Variants in SENP6 observed in about 807,000 individuals in gnomAD.
The protein encoded by SENP6 is SUMO specific peptidase 6.
A neutral mutation model predicts 134.5 loss-of-function variants in SENP6; 41 were observed. That is an observed-to-expected ratio of 0.30 (90% CI 0.24 to 0.40). The LOEUF is 0.40. Among genes scored for constraint, SENP6 ranks in the 10% least tolerant of loss-of-function variants. SENP6 has a pLI of 1.00. For missense variants in SENP6, 1,248 were observed against 1,312.5 expected, an observed-to-expected ratio of 0.95 and a Z score of 0.76; for synonymous variants, 395 against 429.8, an observed-to-expected ratio of 0.92 and a Z score of 1.00.
chr6:75,648,286 G>T (rs1456504514), intron 7 of SENP6, among the ~76,000 whole-genome samples: 1 of 151,872 alleles, frequency 6.6e-6, no homozygotes, highest in Non-Finnish European at 1.5e-5. Context: ...TCAATATACT[G>T]GTTATTAATC....
intron 1 of SENP6, chr6:75,610,845 C>A (rs1767385549): frequency 7.7e-6 from 1 of 130,340 alleles, no homozygotes; most frequent in Non-Finnish European, 1.7e-5. Context: ...ATATCAAATA[C>A]ATTTTATAGT....
chr6:75,647,188 G>T (rs1770517439), intron 6 of SENP6: 1 of 152,366 alleles, frequency 6.6e-6, no homozygotes, highest in Admixed American at 6.5e-5. Flanking sequence ...TAGCTATAAG[G>T]TTTTTGCTTT....
chr6:75,655,932 A>T (rs1009902544), intron 7 of SENP6, among the ~76,000 whole-genome samples: 3 of 152,108 alleles, frequency 2.0e-5, no homozygotes, highest in Admixed American at 6.6e-5. Flanking sequence ...AAAGACATTG[A>T]GCTAGGCTGG....
intron 1 of SENP6, among the ~76,000 whole-genome samples, chr6:75,609,154 C>T (rs755890752): frequency 2.2e-4 from 33 of 152,140 alleles, no homozygotes; most frequent in African/African-American, 7.7e-4. Flanking sequence ...GCCTGGGACC[C>T]GACTTAATAG....
intron 3 of SENP6, among the ~76,000 whole-genome samples, chr6:75,633,125 G>A (rs974454427): frequency 3.3e-5 from 5 of 152,082 alleles, no homozygotes; most frequent in Non-Finnish European, 7.4e-5. Context: ...TGCATCTATT[G>A]AAGTATAAAG....
intron 6 of SENP6, chr6:75,646,502 A>C (rs1436389923): frequency 6.6e-6 from 1 of 152,248 alleles, no homozygotes; most frequent in Non-Finnish European, 1.5e-5. Context: ...AATACAAAGC[A>C]CACATGGCAC....
rs574943056 is a variant in SENP6, at chr6:75,634,733, G to A, written c.380G>A (p.Cys127Tyr). The change falls in exon 5 of 24, where the codon TGT (cysteine) becomes TAT (tyrosine). Residue 127 changes from cysteine (C) to tyrosine (Y), a missense_variant. Coordinates refer to ENST00000447266, the MANE Select transcript of SENP6 (RefSeq NM_015571.4). ...LSENTQNTSL[C>Y]SGTVVHGRRF... ...GAAAATACGCAAAATACGTCATTAT[G>A]TTCTGGAACTGTAGTTCATGGTAGA... 2.5e-6 allele frequency: 4 copies of A among 1,588,364 alleles called. No individual in the cohort carries two copies. Among genetic ancestry groups the A allele is most frequent in the African/African-American group, 2.7e-5 (2 of 73,396 alleles).
intron 5 of SENP6, 123 bp from the exon 6 acceptor site, chr6:75,640,561 T>C (rs560067229): frequency 1.2e-5 from 5 of 406,650 alleles, no homozygotes; most frequent in African/African-American, 6.2e-5. Flanking sequence ...ATATATATAA[T>C]GTATTTAAAA....
In SENP6 at chr6:75,640,715, T is replaced by A; in HGVS notation, c.479+11T>A. 6.7e-7 allele frequency: 1 copy of A among 1,483,470 alleles called. No individual in the cohort carries two copies. The highest frequency in any genetic ancestry group is 9.1e-7 in the Non-Finnish European group (1 of 1,100,728). 91.9% of individuals were successfully genotyped at this position (1,483,470 alleles called of 1,614,324 possible). On this transcript the variant is annotated intron_variant, in intron 6 of 23. Coordinates refer to ENST00000447266, the MANE Select transcript of SENP6 (RefSeq NM_015571.4). ...GGACCGAAAAGAAAGGTAAGCTTAA[T>A]ATTGAAGAAATTAGAGCATGGATAT...
intron 16 of SENP6, among the ~76,000 whole-genome samples, chr6:75,686,362 G>A (rs1046193060): frequency 6.6e-6 from 1 of 152,108 alleles, no homozygotes. Flanking sequence ...TTGCCAGTCT[G>A]TGTCTTTTAA....
rs1398021914 is a variant in SENP6, at chr6:75,718,154, AT to A, written c.*2561del. The A allele has an allele frequency of 5.3e-5, 8 of 152,218 alleles. No individual in the cohort carries two copies. The South Asian group carries it at 8.3e-4, about 16-fold the overall frequency. 9.4% of individuals were successfully genotyped at this position (152,218 alleles called of 1,614,324 possible). On this transcript the variant is annotated 3_prime_UTR_variant, in exon 24 of 24. Transcript: ENST00000447266. ...AATGCAGTAATTTTTCTTTAAAAAAATGATCTCTGAAAACTGTGAGACAATG... is the reference window on the plus strand; with the variant it reads ...AATGCAGTAATTTTTCTTTAAAAAAAGATCTCTGAAAACTGTGAGACAATG...
At chr6:75,668,334 A>G (rs1398486417) in intron 10 of SENP6, among the ~76,000 whole-genome samples, 1 of 152,214 alleles carries the variant, frequency 6.6e-6, no homozygotes, top group Non-Finnish European at 1.5e-5. Context: ...AGAACAGTGT[A>G]GCAAAACACT....
At chr6:75,623,348 C>G (rs754698926) in intron 2 of SENP6, among the ~76,000 whole-genome samples, 2 of 152,052 alleles carry the variant, frequency 1.3e-5, no homozygotes, top group Non-Finnish European at 2.9e-5. Context: ...TTAATAGATA[C>G]ATTAGTTTAA....
chr6:75,602,618 A>G (rs1167346545), intron 1 of SENP6, 42 bp downstream of exon 1: 2 of 1,543,340 alleles, frequency 1.3e-6, no homozygotes, highest in Non-Finnish European at 1.8e-6. Flanking sequence ...GGGAGGGTAT[A>G]CTGGAAAACG....
intron 1 of SENP6, among the ~76,000 whole-genome samples, chr6:75,614,223 G>A (rs1243147100): frequency 2.0e-5 from 3 of 151,406 alleles, no homozygotes; most frequent in African/African-American, 7.3e-5. Flanking sequence ...CTTAGTTAAG[G>A]TGGTGTTCAC....
intron 7 of SENP6, 21 bp from the exon 8 acceptor site, chr6:75,659,241 A>T (rs758147961): frequency 6.4e-7 from 1 of 1,564,292 alleles, no homozygotes; most frequent in Admixed American, 2.1e-5. Context: ...CTTAAAGTTT[A>T]TTTTTTTCTC....
intron 21 of SENP6, among the ~76,000 whole-genome samples, chr6:75,711,826 C>T (rs1775763723): frequency 6.6e-6 from 1 of 152,192 alleles, no homozygotes; most frequent in Admixed American, 6.5e-5. Context: ...GTGCGTGCCA[C>T]CATGCCTGGC....
intron 3 of SENP6, among the ~76,000 whole-genome samples, chr6:75,627,027 G>A (rs373000177): frequency 2.0e-5 from 3 of 151,988 alleles, no homozygotes; most frequent in East Asian, 1.9e-4. Flanking sequence ...TGCATGGTGC[G>A]ATATCGGCTC....
chr6:75,681,967 A>G (rs1464352286), intron 16 of SENP6, among the ~76,000 whole-genome samples: 1 of 152,220 alleles, frequency 6.6e-6, no homozygotes, highest in Non-Finnish European at 1.5e-5. Context: ...GCTCAATAGC[A>G]GAATGGAAAA....
Sources: gnomAD v4.1 joint callset for allele counts (sites outside exome capture counted in the v4.1 genomes callset) on GRCh38, gnomAD v4.1.1 for gene constraint, MANE v1.5 for transcripts, NCBI Gene and HGNC (gene_info 2026-07-23, HGNC 2026-07-21) for gene names.